DNAH11: variants seen among roughly 807,000 people sequenced by gnomAD.
DNAH11 encodes dynein axonemal heavy chain 11.
In DNAH11, 442 loss-of-function variants were observed where a neutral mutation model predicts 526.0. That is an observed-to-expected ratio of 0.84 (90% CI 0.78 to 0.91). The LOEUF (loss-of-function observed/expected upper bound fraction) is 0.91. Ranked by LOEUF, DNAH11 falls within the 40% of genes least tolerant of loss-of-function variation. The probability of loss-of-function intolerance (pLI) is 0.00; values close to 1 mark genes in which losing one functional copy is unlikely to be tolerated. For missense variants in DNAH11, 6,989 were observed against 5,448.7 expected, an observed-to-expected ratio of 1.28 and a Z score of -8.90; for synonymous variants, 2,461 against 1,935.9, an observed-to-expected ratio of 1.27 and a Z score of -7.12.
chr7:21,848,334 ATCTCTCTC>A (rs145963018), intron 66 of DNAH11, among the ~76,000 whole-genome samples: 113 of 148,856 alleles, frequency 7.6e-4, no homozygotes, highest in African/African-American at 2.6e-3. Context: ...ATCTTTCTCC[ATCTCTCTC>A]TCTCTCTCTC....
intron 30 of DNAH11, 55 bp downstream of exon 30, chr7:21,659,086 G>T: frequency 7.3e-7 from 1 of 1,370,552 alleles, no homozygotes; most frequent in East Asian, 2.5e-5. Context: ...ATGTAAGCTT[G>T]CTTCATTCAT....
intron 61 of DNAH11, among the ~76,000 whole-genome samples, chr7:21,792,917 G>A (rs1398377461): frequency 6.6e-6 from 1 of 151,584 alleles, no homozygotes; most frequent in Non-Finnish European, 1.5e-5. Context: ...AAAAATTTTG[G>A]GTTTGATTTG....
intron 45 of DNAH11, among the ~76,000 whole-genome samples, chr7:21,733,667 C>T (rs1785485167): frequency 2.0e-5 from 3 of 152,098 alleles, no homozygotes; most frequent in Admixed American, 1.3e-4. Flanking sequence ...ACAGTTGTAC[C>T]AAATGTGATT....
intron 65 of DNAH11, among the ~76,000 whole-genome samples, chr7:21,818,804 T>C (rs956011342): frequency 1.3e-5 from 2 of 152,142 alleles, no homozygotes; most frequent in African/African-American, 4.8e-5. Context: ...ATGTAACCAT[T>C]CGGAAAAGGA....
rs943916625 is a variant in DNAH11 at position 21,577,960 on chromosome 7, T to C, written c.1594-3945T>C. On this transcript the variant is annotated intron_variant, in intron 8 of 81. Coordinates refer to ENST00000409508, the MANE Select transcript of DNAH11 (RefSeq NM_001277115.2). ...CAAAGAACTACCTGAGACTGGATAATTTATGAAGAAAAGAGGTTTAATTGA... is the reference window on the plus strand; with the variant it reads ...CAAAGAACTACCTGAGACTGGATAACTTATGAAGAAAAGAGGTTTAATTGA... Among the ~76,000 whole-genome samples the C allele has an allele frequency of 2.6e-5, 4 of 152,244 alleles. No individual in the cohort carries two copies. In the South Asian group the frequency reaches 8.3e-4, roughly 32 times the overall value.
chr7:21,631,571 G>C (rs113952245), intron 25 of DNAH11, among the ~76,000 whole-genome samples: 4,580 of 152,276 alleles, frequency 0.03, 223 homozygotes, highest in African/African-American at 0.1. Context: ...CAAAACAAAG[G>C]GGTTACAGGC....
intron 28 of DNAH11, among the ~76,000 whole-genome samples, chr7:21,646,495 A>G (rs4722040): frequency 0.38 from 58,457 of 151,906 alleles, 13,066 homozygotes; most frequent in Non-Finnish European, 0.51. Context: ...GTCCAAAGTG[A>G]CTATACTTTG....
At chr7:21,680,674 C>A (rs891217184) in intron 30 of DNAH11, among the ~76,000 whole-genome samples, 4 of 152,210 alleles carry the variant, frequency 2.6e-5, no homozygotes, top group Admixed American at 2.6e-4. Context: ...CCTTTCCATT[C>A]TATGAAAAAA....
rs1019399540 is a variant in DNAH11 at position 21,742,016 on chromosome 7, G to A, written c.8004G>A (p.Gln2668=). The A allele has an allele frequency of 3.7e-6, 6 of 1,613,774 alleles. No homozygotes were observed. In the South Asian group the frequency reaches 4.4e-5, roughly 12 times the overall value. Residue 2668 remains glutamine, a synonymous_variant, in exon 49 of 82, where the codon CAG becomes CAA. Transcript: ENST00000409508. Reference sequence around the variant, plus strand: ...AAATCTTTAGCTTCCATTTCCAACAGCAAGCATTTGCTCCATCAATTCTCA... The same window carrying A: ...AAATCTTTAGCTTCCATTTCCAACAACAAGCATTTGCTCCATCAATTCTCA... The part of the protein sequence containing the change: ...YGQIFSFHFQ[Q]QAFAPSILRS...
chr7:21,808,924 G>A (rs1391664700), intron 63 of DNAH11, among the ~76,000 whole-genome samples: 1 of 152,074 alleles, frequency 6.6e-6, no homozygotes, highest in African/African-American at 2.4e-5. Flanking sequence ...TGGATCATAT[G>A]GTAGTTATTT....
intron 76 of DNAH11, 43 bp downstream of exon 76, chr7:21,884,453 C>CA: frequency 6.4e-7 from 1 of 1,559,460 alleles, no homozygotes; most frequent in Non-Finnish European, 8.7e-7. Context: ...TTTCACTGAG[C>CA]AAAAAATTCT....
intron 65 of DNAH11, among the ~76,000 whole-genome samples, chr7:21,819,218 C>G (rs1175306980): frequency 2.6e-5 from 4 of 152,112 alleles, no homozygotes; most frequent in Non-Finnish European, 5.9e-5. Context: ...CCTGTTCTTT[C>G]TTAACGCCCA....
intron 30 of DNAH11, among the ~76,000 whole-genome samples, chr7:21,662,732 T>C (rs1782284605): frequency 6.6e-6 from 1 of 152,106 alleles, no homozygotes. Context: ...AAATTTTGTG[T>C]CCTTTGACTA....
chr7:21,569,423 G>A (rs1562667609), intron 6 of DNAH11, among the ~76,000 whole-genome samples: 2 of 152,104 alleles, frequency 1.3e-5, no homozygotes, highest in African/African-American at 2.4e-5. Flanking sequence ...TGGGAGTGTC[G>A]GTTGATCCCA....
chr7:21,861,791 G>A (rs1400388810), intron 68 of DNAH11, 62 bp from the exon 69 acceptor site: 31 of 1,586,362 alleles, frequency 2.0e-5, no homozygotes, highest in Middle Eastern at 1.7e-4. Flanking sequence ...CCTGTGTATC[G>A]GGGGTAGCTA....
At chr7:21,611,852 C>A (rs1009279352) in intron 20 of DNAH11, among the ~76,000 whole-genome samples, 8 of 152,160 alleles carry the variant, frequency 5.3e-5, no homozygotes, top group Non-Finnish European at 1.2e-4. Context: ...CACCAATAAA[C>A]CATTACTAAC....
intron 67 of DNAH11, among the ~76,000 whole-genome samples, chr7:21,853,531 A>G (rs541993927): frequency 9.8e-5 from 15 of 152,346 alleles, no homozygotes; most frequent in Admixed American, 9.1e-4. Context: ...TTCTTAATAT[A>G]TCACCATGTA....
chr7:21,594,141 G>C (rs1247058073), intron 14 of DNAH11, among the ~76,000 whole-genome samples: 3 of 151,842 alleles, frequency 2.0e-5, no homozygotes, highest in Non-Finnish European at 4.4e-5. Context: ...GGTAGGGAAA[G>C]TGTCCTTGGT....
chr7:21,851,880 G>A (rs950372297), intron 66 of DNAH11, among the ~76,000 whole-genome samples: 1 of 152,130 alleles, frequency 6.6e-6, no homozygotes, highest in Non-Finnish European at 1.5e-5. Context: ...TGTCTGAGCA[G>A]AAACCAGAAG....
Sources: allele counts gnomAD v4.1 joint callset (sites outside exome capture counted in the v4.1 genomes callset), GRCh38; gene constraint gnomAD v4.1.1; transcripts MANE v1.5; gene names NCBI Gene and HGNC (gene_info 2026-07-23, HGNC 2026-07-21).